XPO7: variants seen among roughly 807,000 people sequenced by gnomAD.
XPO7 encodes the protein exportin-7.
In XPO7, 21 loss-of-function variants were observed where a neutral mutation model predicts 144.3. That is an observed-to-expected ratio of 0.15 (90% CI 0.10 to 0.21). XPO7 has a LOEUF of 0.21. Among genes scored for constraint, XPO7 ranks in the 10% least tolerant of loss-of-function variants. The pLI, the probability that XPO7 is intolerant of heterozygous loss-of-function variation, is 1.00. For missense variants in XPO7, 808 were observed against 1,325.8 expected (o/e 0.61, Z 6.06); for synonymous variants, 580 against 499.6 (o/e 1.16, Z -2.15).
In XPO7 at chr8:21,919,729, T is replaced by C; in HGVS notation, c.-42T>C. On this transcript the variant is annotated 5_prime_UTR_variant, in exon 1 of 28. Coordinates refer to ENST00000252512, the MANE Select transcript of XPO7 (RefSeq NM_015024.5). The stretch of plus-strand genomic sequence containing the variant: ...CAGCGGCTCCGGCCGAGGTGCGCGC[T>C]GGGGGGGAGGGGGGGCCGGAGAGGA... The C allele has an allele frequency of 4.1e-6, 1 of 241,956 alleles. No homozygotes were observed. Among genetic ancestry groups the C allele is most frequent in the Non-Finnish European group, 7.0e-6 (1 of 142,680 alleles). 15.0% of individuals were successfully genotyped at this position (241,956 alleles called of 1,614,324 possible). A position where few individuals can be genotyped will look rare whatever the true frequency, so the allele number is the denominator to read the frequency against.
intron 1 of XPO7, among the ~76,000 whole-genome samples, chr8:21,961,942 C>T (rs1811738461): frequency 6.6e-6 from 1 of 152,254 alleles, no homozygotes; most frequent in African/African-American, 2.4e-5. Flanking sequence ...GGATTACAGG[C>T]ATGAGCCACC....
intron 1 of XPO7, among the ~76,000 whole-genome samples, chr8:21,955,598 C>T (rs565315701): frequency 7.6e-4 from 116 of 152,218 alleles, no homozygotes; most frequent in Non-Finnish European, 1.4e-3. Flanking sequence ...TCTTAATGGC[C>T]AACTCACAGT....
At chr8:21,944,680 A>G (rs925515812) in intron 1 of XPO7, among the ~76,000 whole-genome samples, 8 of 152,080 alleles carry the variant, frequency 5.3e-5, no homozygotes, top group Non-Finnish European at 1.2e-4. Flanking sequence ...GGGTTATAGG[A>G]CAATAATGGA....
At chr8:21,989,555 G>T (rs189873211) in intron 16 of XPO7, among the ~76,000 whole-genome samples, 1 of 152,198 alleles carries the variant, frequency 6.6e-6, no homozygotes, top group Non-Finnish European at 1.5e-5. Context: ...CACAACCAGG[G>T]GTCCACAAGA....
intron 4 of XPO7, 26 bp from the exon 5 acceptor site, chr8:21,971,846 CTCTT>C: frequency 6.3e-7 from 1 of 1,589,938 alleles, no homozygotes; most frequent in South Asian, 1.1e-5. Context: ...CACATGACAA[CTCTT>C]TCTACCTTAT....
At chr8:21,990,293 A>C in intron 16 of XPO7, 51 bp from the exon 17 acceptor site, 15 of 1,586,532 alleles carry the variant, frequency 9.5e-6, no homozygotes, top group Non-Finnish European at 1.2e-5. Flanking sequence ...CATCTGCCTT[A>C]GAGTTTCGGC....
chr8:21,929,630 C>T (rs957640839), intron 1 of XPO7, among the ~76,000 whole-genome samples: 3 of 152,166 alleles, frequency 2.0e-5, no homozygotes, highest in South Asian at 2.1e-4. Flanking sequence ...CACTAGCAAT[C>T]GTAGTTCTCT....
chr8:21,923,168 G>A (rs1013223535), intron 1 of XPO7, among the ~76,000 whole-genome samples: 3 of 152,110 alleles, frequency 2.0e-5, no homozygotes, highest in African/African-American at 7.2e-5. Flanking sequence ...TTTCCAGTTC[G>A]ACTAATACCA....
intron 1 of XPO7, among the ~76,000 whole-genome samples, chr8:21,927,055 T>A (rs946613138): frequency 6.6e-6 from 1 of 152,106 alleles, no homozygotes; most frequent in Non-Finnish European, 1.5e-5. Context: ...CAAATTAAAT[T>A]GTTTTTAGGT....
chr8:21,998,672 A>G, intron 21 of XPO7, 83 bp from the exon 22 acceptor site: 2 of 1,129,328 alleles, frequency 1.8e-6, no homozygotes, highest in Non-Finnish European at 2.6e-6. Flanking sequence ...GGATCACCCA[A>G]GGTACTCAGA....
chr8:21,925,783 T>A (rs1585411957), intron 1 of XPO7, among the ~76,000 whole-genome samples: 1 of 152,342 alleles, frequency 6.6e-6, no homozygotes, highest in South Asian at 2.1e-4. Flanking sequence ...CTCCCCAATA[T>A]AGCACCGTGT....
At position 21,987,255 on chromosome 8, in the gene XPO7, C is replaced by A; in HGVS notation, c.1692C>A (p.Asp564Glu). Residue 564 changes from aspartate (D) to glutamate (E), a missense_variant, in exon 14 of 28, where the codon GAC (aspartate) becomes GAA (glutamate). Coordinates refer to ENST00000252512, the MANE Select transcript of XPO7 (RefSeq NM_015024.5). ...AGTTTCGTAAGATCTACATTGGGGA[C>A]CAAGTGCAGAAATCCTCTAAGGTAA... ...FEQFRKIYIG[D>E]QVQKSSKLYR... is the part of the protein sequence containing the mutation. 1 of 1,613,974 alleles carries A rather than the reference C, an allele frequency of 6.2e-7. No individual in the cohort carries two copies. The highest frequency in any genetic ancestry group is 8.5e-7 in the Non-Finnish European group (1 of 1,179,894).
At chr8:21,937,092 A>G (rs577333717) in intron 1 of XPO7, among the ~76,000 whole-genome samples, 9 of 152,340 alleles carry the variant, frequency 5.9e-5, no homozygotes, top group South Asian at 4.1e-4. Flanking sequence ...GCATAGCACA[A>G]TAAGAGGTTA....
At chr8:21,950,147 C>G (rs1324824021) in intron 1 of XPO7, among the ~76,000 whole-genome samples, 2 of 152,196 alleles carry the variant, frequency 1.3e-5, no homozygotes. Context: ...TGCAGGTAAA[C>G]ATTTAACGTA....
chr8:21,995,387 A>C, intron 20 of XPO7, 105 bp from the exon 21 acceptor site: 1 of 870,462 alleles, frequency 1.1e-6, no homozygotes, highest in Non-Finnish European at 1.8e-6. Context: ...CAGGAACTTA[A>C]AGAACTGTAG....
chr8:22,001,010 T>TTTTTTA (rs1813124437), intron 24 of XPO7, among the ~76,000 whole-genome samples: 1 of 152,162 alleles, frequency 6.6e-6, no homozygotes, highest in African/African-American at 2.4e-5. Context: ...TTTGGAAGAC[T>TTTTTTA]TTTTTATGTC....
rs765348683 is a variant in XPO7 at position 21,984,803 on chromosome 8, G to T, written c.1435G>T (p.Ala479Ser). The T allele has an allele frequency of 1.9e-6, 3 of 1,613,968 alleles. No individual in the cohort carries two copies. Among genetic ancestry groups the T allele is most frequent in the Admixed American group, 1.7e-5 (1 of 60,030 alleles). The change falls in exon 12 of 28, where the codon GCC becomes TCC. Residue 479 changes from alanine to serine, a missense_variant. Ala to Ser is a moderately conservative substitution (Grantham distance 99). Around this residue, in one of 5 missense-constraint regions of XPO7, gnomAD observed 416 missense variants for 612.5 expected, o/e 0.68. Transcript: ENST00000252512. ...GTCGTACCAGGAGCTGCTACAGAGC[G>T]CCAGCGCAAGCCCAATGGACATTGC... ...AQSYQELLQSASASPMDIAVQ... is the reference protein window; with the variant it reads ...AQSYQELLQSSSASPMDIAVQ...
Position 21,990,853 on chromosome 8 carries a change from C to T in XPO7, c.1975C>T (p.Leu659=). ...TTTGGGTATTAACAATCAGTCCAACCTGACAGACATGCGGTGTCGGACTAC... is the reference window on the plus strand; with the variant it reads ...TTTGGGTATTAACAATCAGTCCAACTTGACAGACATGCGGTGTCGGACTAC... The part of the protein sequence containing the change: ...SFLGINNQSN[L]TDMRCRTTFY... The change falls in exon 18 of 28, where the codon CTG becomes TTG. Residue 659 remains leucine, a synonymous_variant. Coordinates refer to ENST00000252512, the MANE Select transcript of XPO7 (RefSeq NM_015024.5). 2.5e-6 allele frequency: 4 copies of T among 1,613,980 alleles called. No homozygotes were observed. Among genetic ancestry groups the T allele is most frequent in the Non-Finnish European group, 3.4e-6 (4 of 1,179,878 alleles).
rs1585490514 is a variant in XPO7 at position 22,005,187 on chromosome 8, T to C, written c.*99T>C. ...AGAGGGCCTGGCTGATCCTGGCTCT[T>C]TTCTCCAGGGGTGTGGGGAAAATGG... On this transcript the variant is annotated 3_prime_UTR_variant, in exon 28 of 28. Coordinates refer to ENST00000252512, the MANE Select transcript of XPO7 (RefSeq NM_015024.5). 1 of 1,027,688 alleles carries C rather than the reference T, an allele frequency of 9.7e-7. No individual in the cohort carries two copies. The highest frequency in any genetic ancestry group is 1.8e-5 in the South Asian group (1 of 56,178). The allele number at this position is 1,027,688 out of a possible 1,614,324, so 63.7% of individuals were successfully genotyped here.
Sources: gnomAD v4.1 joint callset for allele counts (sites outside exome capture counted in the v4.1 genomes callset) on GRCh38, gnomAD v4.1.1 for gene constraint, gnomAD v4.1.1 regional missense constraint, MANE v1.5 for transcripts, NCBI Gene and HGNC (gene_info 2026-07-23, HGNC 2026-07-21) for gene names.